Variants in DYNC1I1 observed in about 807,000 individuals in gnomAD.
DYNC1I1 encodes cytoplasmic dynein 1 intermediate chain 1.
In DYNC1I1, 43 loss-of-function variants were observed where a neutral mutation model predicts 86.6. That is an observed-to-expected ratio of 0.50 (90% CI 0.39 to 0.64). The LOEUF is 0.64. Ranked by LOEUF, DYNC1I1 falls within the 30% of genes least tolerant of loss-of-function variation. The probability of loss-of-function intolerance (pLI) is 0.00; values close to 1 mark genes in which losing one functional copy is unlikely to be tolerated. For missense variants in DYNC1I1, 604 were observed against 788.8 expected (o/e 0.77, Z 2.81); for synonymous variants, 262 against 283.7 (o/e 0.92, Z 0.77).
chr7:95,979,073 C>T (rs1015572121), intron 7 of DYNC1I1, among the ~76,000 whole-genome samples: 14 of 152,184 alleles, frequency 9.2e-5, no homozygotes, highest in African/African-American at 3.1e-4. Flanking sequence ...GGATTATAGG[C>T]GTGAACCACC....
rs190670935 is a variant in DYNC1I1 at position 96,040,093 on chromosome 7, A to G, written c.1509+672A>G. 5.8e-3 allele frequency among the ~76,000 whole-genome samples: 878 copies of G among 151,858 alleles called. 6 individuals are homozygous for G. Among genetic ancestry groups the G allele is most frequent in the African/African-American group, 0.02 (828 of 41,438 alleles). On this transcript the variant is annotated intron_variant, in intron 14 of 16. Coordinates refer to ENST00000447467, the MANE Select transcript of DYNC1I1 (RefSeq NM_001135556.2). ...TACTAAAAATAGAAAAATTAGCTAC[A>G]TATGGTGGTACATGCCTGTAGTCCC...
At chr7:95,792,493 A>G (rs1479070002) in intron 1 of DYNC1I1, among the ~76,000 whole-genome samples, 1 of 152,136 alleles carries the variant, frequency 6.6e-6, no homozygotes, top group Non-Finnish European at 1.5e-5. Flanking sequence ...AGGCCAGGCT[A>G]TGCTTCCCCT....
intron 6 of DYNC1I1, among the ~76,000 whole-genome samples, chr7:95,954,345 C>A (rs570829032): frequency 6.6e-6 from 1 of 151,656 alleles, no homozygotes; most frequent in Non-Finnish European, 1.5e-5. Context: ...CCCAGGTCCT[C>A]AGTTTACGCT....
chr7:95,778,868 T>C (rs1471184680), intron 1 of DYNC1I1, among the ~76,000 whole-genome samples: 1 of 152,064 alleles, frequency 6.6e-6, no homozygotes, highest in Non-Finnish European at 1.5e-5. Flanking sequence ...TCTTGCTGTG[T>C]TGCCCAGGCT....
At chr7:96,059,158 C>T (rs1260245943) in intron 14 of DYNC1I1, among the ~76,000 whole-genome samples, 1 of 151,988 alleles carries the variant, frequency 6.6e-6, no homozygotes, top group African/African-American at 2.4e-5. Flanking sequence ...ATTGTTGGTT[C>T]ATTGACATTG....
chr7:95,960,202 G>A (rs1038358361), intron 6 of DYNC1I1, among the ~76,000 whole-genome samples: 1 of 152,138 alleles, frequency 6.6e-6, no homozygotes, highest in East Asian at 1.9e-4. Context: ...CGCCTCCTGG[G>A]TTTAAGCTAT....
At chr7:95,807,568 C>G (rs1211545690) in intron 2 of DYNC1I1, among the ~76,000 whole-genome samples, 1 of 152,094 alleles carries the variant, frequency 6.6e-6, no homozygotes, top group Admixed American at 6.5e-5. Context: ...CTTACATATA[C>G]CCTGATGGAC....
chr7:95,947,877 G>A (rs1183113051), intron 6 of DYNC1I1, among the ~76,000 whole-genome samples: 2 of 152,006 alleles, frequency 1.3e-5, no homozygotes, highest in Admixed American at 1.3e-4. Flanking sequence ...AACAGAAAAG[G>A]CCACTAAGTA....
At chr7:95,945,462 T>C (rs566916192) in intron 6 of DYNC1I1, among the ~76,000 whole-genome samples, 108 of 152,302 alleles carry the variant, frequency 7.1e-4, no homozygotes, top group African/African-American at 2.5e-3. Context: ...TAAATCTTGA[T>C]AAAAGAGAAA....
At chr7:96,106,842 A>G (rs1463349110) in intron 16 of DYNC1I1, among the ~76,000 whole-genome samples, 1 of 152,222 alleles carries the variant, frequency 6.6e-6, no homozygotes, top group Non-Finnish European at 1.5e-5. Flanking sequence ...ATGACTTAGC[A>G]TATGGTCAAC....
Position 95,823,970 on chromosome 7 carries a change from A to G in DYNC1I1, c.315-4087A>G, listed in dbSNP as rs1171137697. ...TACTAAACTATATATATATATATAT[A>G]TATATATATGTTTTGGTTTTTTGTT... On this transcript the variant is annotated intron_variant, in intron 4 of 16. Coordinates refer to ENST00000447467, the MANE Select transcript of DYNC1I1 (RefSeq NM_001135556.2). 2.7e-5 allele frequency among the ~76,000 whole-genome samples: 3 copies of G among 112,980 alleles called. No homozygotes were observed. In the Admixed American group the frequency reaches 3.0e-4, roughly 11 times the overall value. The allele number at this position is 112,980 out of a possible 152,430, so 74.1% of individuals were successfully genotyped here. A position where few individuals can be genotyped will look rare whatever the true frequency, so the allele number is the denominator to read the frequency against.
At chr7:96,055,902 T>C (rs1344813467) in intron 14 of DYNC1I1, 7 of 152,208 alleles carry the variant, frequency 4.6e-5, no homozygotes, top group Admixed American at 1.3e-4. Flanking sequence ...AGCTTTCTCT[T>C]CTGTCCCCTG....
At chr7:95,782,455 A>G (rs1794018143) in intron 1 of DYNC1I1, among the ~76,000 whole-genome samples, 1 of 152,168 alleles carries the variant, frequency 6.6e-6, no homozygotes, top group Non-Finnish European at 1.5e-5. Flanking sequence ...GACTTGCAAT[A>G]GAGGTGTTGC....
intron 6 of DYNC1I1, among the ~76,000 whole-genome samples, chr7:95,915,989 G>A (rs1462015762): frequency 6.6e-6 from 1 of 152,162 alleles, no homozygotes; most frequent in Non-Finnish European, 1.5e-5. Flanking sequence ...TTGCCTTCAA[G>A]TAAATACCTA....
At chr7:96,083,383 G>C (rs576779788) in intron 16 of DYNC1I1, among the ~76,000 whole-genome samples, 5 of 151,250 alleles carry the variant, frequency 3.3e-5, no homozygotes, top group Admixed American at 1.3e-4. Flanking sequence ...TGAAGACCTC[G>C]TCTGTAGAGG....
chr7:96,013,998 A>G (rs1794342714), intron 10 of DYNC1I1, among the ~76,000 whole-genome samples: 1 of 152,146 alleles, frequency 6.6e-6, no homozygotes, highest in Non-Finnish European at 1.5e-5. Context: ...GATTAGGATG[A>G]AGGGGAAAAA....
chr7:95,795,345 C>T (rs1438920529), intron 1 of DYNC1I1, among the ~76,000 whole-genome samples: 1 of 136,042 alleles, frequency 7.4e-6, no homozygotes, highest in African/African-American at 2.7e-5. Context: ...ATGACTATAT[C>T]TGTTTCCCTA....
chr7:95,940,567 C>T (rs1375211476), intron 6 of DYNC1I1, among the ~76,000 whole-genome samples: 4 of 152,142 alleles, frequency 2.6e-5, no homozygotes, highest in African/African-American at 7.2e-5. Flanking sequence ...ATCACTGATA[C>T]CCTTTCTTCC....
intron 5 of DYNC1I1, among the ~76,000 whole-genome samples, chr7:95,839,965 G>C (rs1482558867): frequency 1.3e-5 from 2 of 152,114 alleles, no homozygotes; most frequent in Non-Finnish European, 2.9e-5. Flanking sequence ...TTCTCAGGTA[G>C]ATAGCAAGTA....
Sources: gnomAD v4.1 joint callset for allele counts (sites outside exome capture counted in the v4.1 genomes callset) on GRCh38, gnomAD v4.1.1 for gene constraint, MANE v1.5 for transcripts, NCBI Gene and HGNC (gene_info 2026-07-23, HGNC 2026-07-21) for gene names.